The following CTNNA3 variants were observed in gnomAD, a reference collection of about 807,000 sequenced individuals.
The protein encoded by CTNNA3 is catenin alpha-3.
A neutral mutation model predicts 95.7 loss-of-function variants in CTNNA3; 76 were observed. The observed-to-expected ratio is 0.79, with a 90% CI of 0.66 to 0.96. The LOEUF is 0.96. Among genes scored for constraint, CTNNA3 ranks in the 40% least tolerant of loss-of-function variants. The pLI is 0.00. For missense variants in CTNNA3, 1,191 were observed against 1,089.8 expected, an observed-to-expected ratio of 1.09 and a Z score of -1.31; for synonymous variants, 431 against 374.4, an observed-to-expected ratio of 1.15 and a Z score of -1.74.
At chr10:66,035,924 A>T (rs2079554143) in intron 15 of CTNNA3, among the ~76,000 whole-genome samples, 1 of 152,186 alleles carries the variant, frequency 6.6e-6, no homozygotes, top group African/African-American at 2.4e-5. Flanking sequence ...GGTATCAAAA[A>T]GAATACAACA....
At chr10:66,998,526 C>T (rs1228647845) in intron 7 of CTNNA3, among the ~76,000 whole-genome samples, 1 of 151,650 alleles carries the variant, frequency 6.6e-6, no homozygotes, top group Non-Finnish European at 1.5e-5. Context: ...TACAATGACA[C>T]AGAAAAGTTG....
intron 15 of CTNNA3, among the ~76,000 whole-genome samples, chr10:66,018,622 T>C (rs1397087469): frequency 6.6e-6 from 1 of 152,084 alleles, no homozygotes; most frequent in Non-Finnish European, 1.5e-5. Context: ...TCACATTACA[T>C]CTAAAGCCCT....
intron 5 of CTNNA3, among the ~76,000 whole-genome samples, chr10:67,276,828 A>G (rs2132431894): frequency 6.6e-6 from 1 of 152,024 alleles, no homozygotes; most frequent in South Asian, 2.1e-4. Flanking sequence ...TAATGTTACA[A>G]ATATTCTATA....
chr10:67,403,276 T>C (rs894556350), intron 5 of CTNNA3: 6 of 152,284 alleles, frequency 3.9e-5, no homozygotes, highest in African/African-American at 1.2e-4. Context: ...CCCCTGCCCA[T>C]ATTCTAGGAA....
Position 67,502,899 on chromosome 10 carries a change from T to C in CTNNA3, c.579+18943A>G, listed in dbSNP as rs184234688. On this transcript the variant is annotated intron_variant, in intron 5 of 17. Coordinates refer to ENST00000433211, the MANE Select transcript of CTNNA3 (RefSeq NM_013266.4). ...TTCAAGACAGTGGATCTTAGCTTGTTGGGCTCTGTTGGGGTGGGATCCGCT... is the reference window on the plus strand; with the variant it reads ...TTCAAGACAGTGGATCTTAGCTTGTCGGGCTCTGTTGGGGTGGGATCCGCT... Among the ~76,000 whole-genome samples the C allele has an allele frequency of 4.8e-3, 732 of 152,320 alleles. 4 individuals carry two copies. Among genetic ancestry groups the C allele is most frequent in the Non-Finnish European group, 7.1e-3 (486 of 68,016 alleles).
intron 7 of CTNNA3, among the ~76,000 whole-genome samples, chr10:67,113,884 C>A (rs1345313416): frequency 1.3e-5 from 2 of 152,024 alleles, no homozygotes; most frequent in East Asian, 3.9e-4. Flanking sequence ...ATTTTTCCAG[C>A]CTGAGCAACA....
intron 13 of CTNNA3, among the ~76,000 whole-genome samples, chr10:66,182,655 T>A (rs10996958): frequency 6.6e-6 from 1 of 152,032 alleles, no homozygotes; most frequent in Admixed American, 6.6e-5. Context: ...TGTGTGGAAT[T>A]TTCTTTTTCC....
intron 14 of CTNNA3, among the ~76,000 whole-genome samples, chr10:66,075,745 AG>A (rs1454615289): frequency 6.6e-6 from 1 of 151,748 alleles, no homozygotes; most frequent in Non-Finnish European, 1.5e-5. Context: ...TGTCCCAGAA[AG>A]GGGAAATGAC....
At chr10:67,036,473 G>T (rs1022342590) in intron 7 of CTNNA3, among the ~76,000 whole-genome samples, 1 of 152,020 alleles carries the variant, frequency 6.6e-6, no homozygotes, top group Non-Finnish European at 1.5e-5. Flanking sequence ...AGATCAGCCT[G>T]GCCAACATGG....
intron 7 of CTNNA3, among the ~76,000 whole-genome samples, chr10:66,957,401 T>TGC (rs1466457755): frequency 3.3e-5 from 1 of 30,612 alleles, no homozygotes; most frequent in Non-Finnish European, 6.0e-5. Context: ...TACATATATA[T>TGC]ATATATATAT....
chr10:66,367,347 T>C (rs1187443787), intron 12 of CTNNA3, among the ~76,000 whole-genome samples: 1 of 152,036 alleles, frequency 6.6e-6, no homozygotes, highest in African/African-American at 2.4e-5. Flanking sequence ...CAGGTAATCA[T>C]GGAGAGTTCC....
chr10:66,031,603 A>G (rs1303407411), intron 15 of CTNNA3, among the ~76,000 whole-genome samples: 1 of 152,092 alleles, frequency 6.6e-6, no homozygotes, highest in Non-Finnish European at 1.5e-5. Context: ...AAAACTATCT[A>G]CTGGGTACCA....
intron 7 of CTNNA3, among the ~76,000 whole-genome samples, chr10:67,139,390 G>A (rs547023531): frequency 3.4e-5 from 5 of 146,178 alleles, no homozygotes; most frequent in East Asian, 2.0e-4. Context: ...CTCATGATCC[G>A]CTCGCCTCAG....
At chr10:67,342,769 T>C (rs1055734563) in intron 5 of CTNNA3, among the ~76,000 whole-genome samples, 1 of 152,228 alleles carries the variant, frequency 6.6e-6, no homozygotes, top group African/African-American at 2.4e-5. Context: ...AATTAGTTTC[T>C]GGATTCTTTA....
chr10:66,892,426 G>T (rs1428559586), intron 7 of CTNNA3, among the ~76,000 whole-genome samples: 1 of 151,848 alleles, frequency 6.6e-6, no homozygotes, highest in African/African-American at 2.4e-5. Context: ...ATTGTAAATC[G>T]CATTACTCTT....
At chr10:67,040,636 A>T (rs189139115) in intron 7 of CTNNA3, among the ~76,000 whole-genome samples, 58 of 152,246 alleles carry the variant, frequency 3.8e-4, no homozygotes, top group Non-Finnish European at 5.4e-4. Context: ...AACAGTATAC[A>T]ATGGTGACAT....
At chr10:66,130,889 TACAG>T (rs1420361301) in intron 13 of CTNNA3, among the ~76,000 whole-genome samples, 1 of 143,114 alleles carries the variant, frequency 7.0e-6, no homozygotes, top group Non-Finnish European at 1.5e-5. Context: ...AAGAAAGAAA[TACAG>T]AGAATCATCG....
intron 10 of CTNNA3, among the ~76,000 whole-genome samples, chr10:66,594,368 C>A (rs1036249492): frequency 6.6e-6 from 1 of 152,102 alleles, no homozygotes; most frequent in African/African-American, 2.4e-5. Flanking sequence ...CATCTTGTAC[C>A]CTTATAATCC....
chr10:66,252,350 TTA>T (rs1431999485), intron 13 of CTNNA3, among the ~76,000 whole-genome samples: 4 of 152,342 alleles, frequency 2.6e-5, no homozygotes, highest in African/African-American at 7.2e-5. Context: ...ATTAAAATAA[TTA>T]CTTTTAATCA....
Sources: gnomAD v4.1 joint callset for allele counts (sites outside exome capture counted in the v4.1 genomes callset) on GRCh38, gnomAD v4.1.1 for gene constraint, MANE v1.5 for transcripts, NCBI Gene and HGNC (gene_info 2026-07-23, HGNC 2026-07-21) for gene names.